NELL1: variants seen among roughly 807,000 people sequenced by gnomAD.
NELL1 encodes the protein protein kinase C-binding protein NELL1.
Under a neutral mutation model 107.4 loss-of-function variants are expected in NELL1, and 76 were observed. The observed-to-expected ratio is 0.71, with a 90% CI of 0.59 to 0.86. The LOEUF is 0.86. NELL1 is among the 40% of genes least tolerant of loss of function. The pLI, the probability that NELL1 is intolerant of heterozygous loss-of-function variation, is 0.00. For missense variants in NELL1, 1,024 were observed against 1,005.5 expected, an observed-to-expected ratio of 1.02 and a Z score of -0.25; for synonymous variants, 353 against 341.2, an observed-to-expected ratio of 1.03 and a Z score of -0.38.
rs546212308 is a variant in NELL1 at position 21,215,956 on chromosome 11, G to C, written c.1427-13376G>C. On this transcript the variant is annotated intron_variant, in intron 13 of 19. Coordinates refer to ENST00000357134, the MANE Select transcript of NELL1 (RefSeq NM_006157.5). ...AGGCAATGGGAAAAATGTCTCCAGG[G>C]CATGTCAGAGACTTTCATTGCAACC... Among the ~76,000 whole-genome samples the C allele has an allele frequency of 2.5e-3, 387 of 152,194 alleles. 1 individual carries two copies. Among genetic ancestry groups the C allele is most frequent in the Middle Eastern group, 6.8e-3 (2 of 294 alleles).
intron 12 of NELL1, among the ~76,000 whole-genome samples, chr11:21,010,771 A>G (rs940314004): frequency 6.6e-6 from 1 of 152,110 alleles, no homozygotes; most frequent in Non-Finnish European, 1.5e-5. Flanking sequence ...TTTTTAAGGC[A>G]GGCAAAAATA....
intron 15 of NELL1, among the ~76,000 whole-genome samples, chr11:21,529,557 G>A (rs979571568): frequency 9.1e-6 from 1 of 110,258 alleles, no homozygotes; most frequent in African/African-American, 3.9e-5. Context: ...AAGTTTTTTG[G>A]TGACCAAGAG....
At chr11:20,835,250 C>T (rs1399028875) in intron 3 of NELL1, among the ~76,000 whole-genome samples, 1 of 152,160 alleles carries the variant, frequency 6.6e-6, no homozygotes, top group Non-Finnish European at 1.5e-5. Flanking sequence ...TGTTGTCTAT[C>T]TTTCCGTAAG....
chr11:21,320,860 A>C (rs1849993335), intron 14 of NELL1, among the ~76,000 whole-genome samples: 1 of 152,220 alleles, frequency 6.6e-6, no homozygotes, highest in African/African-American at 2.4e-5. Context: ...ATAGTGATCA[A>C]AGTCAAATTT....
intron 15 of NELL1, among the ~76,000 whole-genome samples, chr11:21,487,357 A>G (rs993018747): frequency 1.3e-5 from 2 of 152,186 alleles, no homozygotes; most frequent in African/African-American, 2.4e-5. Context: ...ATCCAGTAAA[A>G]TTACCCTTCA....
intron 2 of NELL1, among the ~76,000 whole-genome samples, chr11:20,753,209 A>T (rs914377878): frequency 2.6e-5 from 4 of 152,216 alleles, no homozygotes; most frequent in Non-Finnish European, 5.9e-5. Context: ...ATCTTAGAAA[A>T]ATCAAGGAGA....
At chr11:21,561,506 A>G (rs1220471353) in intron 17 of NELL1, among the ~76,000 whole-genome samples, 2 of 152,090 alleles carry the variant, frequency 1.3e-5, no homozygotes, top group Admixed American at 1.3e-4. Context: ...TTCTTACAGC[A>G]CTACTTTGAA....
chr11:21,440,304 G>GT (rs202069598), intron 15 of NELL1, among the ~76,000 whole-genome samples: 272 of 115,608 alleles, frequency 2.4e-3, no homozygotes, highest in Non-Finnish European at 2.3e-3. Context: ...ACAAAAGTAA[G>GT]TTTTTTTTTT....
At chr11:21,483,787 C>A (rs1854550731) in intron 15 of NELL1, among the ~76,000 whole-genome samples, 2 of 146,104 alleles carry the variant, frequency 1.4e-5, no homozygotes, top group African/African-American at 2.5e-5. Context: ...AATAGGATAC[C>A]CAAATAATGG....
At chr11:20,991,284 G>A (rs2134258195) in intron 12 of NELL1, among the ~76,000 whole-genome samples, 1 of 152,316 alleles carries the variant, frequency 6.6e-6, no homozygotes, top group East Asian at 1.9e-4. Flanking sequence ...GCAGATCAGG[G>A]ACTGGGCAGA....
intron 13 of NELL1, among the ~76,000 whole-genome samples, chr11:21,139,990 A>C (rs1236416158): frequency 6.6e-6 from 1 of 152,090 alleles, no homozygotes; most frequent in Non-Finnish European, 1.5e-5. Flanking sequence ...CAAGAACAAC[A>C]TTATCTTTCA....
chr11:20,756,519 T>TC (rs1856292931), intron 2 of NELL1, among the ~76,000 whole-genome samples: 1 of 135,484 alleles, frequency 7.4e-6, no homozygotes, highest in Non-Finnish European at 1.5e-5. Flanking sequence ...TTTTGTAATT[T>TC]TTTTTTTTTT....
intron 15 of NELL1, among the ~76,000 whole-genome samples, chr11:21,466,801 T>C (rs1016576513): frequency 6.6e-6 from 1 of 151,896 alleles, no homozygotes; most frequent in African/African-American, 2.4e-5. Context: ...GGGGGTACAA[T>C]TGTCATTTAG....
chr11:21,509,574 A>G (rs74233046), intron 15 of NELL1, among the ~76,000 whole-genome samples: 23,456 of 152,184 alleles, frequency 0.15, 1,877 homozygotes, highest in Non-Finnish European at 0.17. Flanking sequence ...AGAAAGTTAC[A>G]AAGTTTTGTG....
intron 14 of NELL1, among the ~76,000 whole-genome samples, chr11:21,366,414 T>A (rs559963116): frequency 6.6e-5 from 10 of 152,266 alleles, no homozygotes; most frequent in Admixed American, 3.9e-4. Flanking sequence ...TCAAATTAAT[T>A]ATAACCTTTG....
intron 17 of NELL1, among the ~76,000 whole-genome samples, chr11:21,560,816 G>T (rs1856831996): frequency 6.6e-6 from 1 of 152,064 alleles, no homozygotes; most frequent in Admixed American, 6.6e-5. Context: ...AAGGCCAACA[G>T]ACTTGCATCC....
intron 15 of NELL1, among the ~76,000 whole-genome samples, chr11:21,530,434 T>C (rs991438058): frequency 6.6e-5 from 10 of 152,276 alleles, no homozygotes; most frequent in Non-Finnish European, 1.3e-4. Flanking sequence ...CTCTAGGAAA[T>C]TCACCATATG....
intron 2 of NELL1, among the ~76,000 whole-genome samples, chr11:20,731,775 A>C (rs187614824): frequency 6.6e-6 from 1 of 152,346 alleles, no homozygotes; most frequent in East Asian, 1.9e-4. Flanking sequence ...AACCATGTAT[A>C]AAAAATGCTA....
intron 15 of NELL1, among the ~76,000 whole-genome samples, chr11:21,423,733 T>C (rs1852750968): frequency 6.6e-6 from 1 of 152,212 alleles, no homozygotes; most frequent in African/African-American, 2.4e-5. Flanking sequence ...TATGCCCAAA[T>C]TAAGTCTCAA....
Sources: allele counts gnomAD v4.1 joint callset (sites outside exome capture counted in the v4.1 genomes callset), GRCh38; gene constraint gnomAD v4.1.1; transcripts MANE v1.5; gene names NCBI Gene and HGNC (gene_info 2026-07-23, HGNC 2026-07-21).